Variants in PWWP2A observed in about 807,000 individuals in gnomAD.
The protein encoded by PWWP2A is PWWP domain-containing protein 2A.
Under a neutral mutation model 48.5 loss-of-function variants are expected in PWWP2A, and 18 were observed. The observed-to-expected ratio is 0.37, with a 90% CI of 0.26 to 0.55. The LOEUF (loss-of-function observed/expected upper bound fraction) is 0.55, where lower values mean the gene tolerates loss of function less well. Among genes scored for constraint, PWWP2A ranks in the 20% least tolerant of loss-of-function variants. The pLI, the probability that PWWP2A is intolerant of heterozygous loss-of-function variation, is 0.81. For synonymous variants in PWWP2A, 396 were observed against 387.7 expected (o/e 1.02, Z -0.25); for missense variants, 867 against 976.4 (o/e 0.89, Z 1.49).
At chr5:160,109,569 G>C (rs1189551060) in intron 1 of PWWP2A, among the ~76,000 whole-genome samples, 2 of 151,084 alleles carry the variant, frequency 1.3e-5, no homozygotes, top group Non-Finnish European at 2.9e-5. Flanking sequence ...CTAAACTTAG[G>C]ACTGTGTTTA....
At chr5:160,089,982 T>C (rs1561663850), downstream of PWWP2A, 2 of 984,860 alleles carry the variant, frequency 2.0e-6, no homozygotes, top group East Asian at 1.1e-4. Context: ...TATTAGAGTT[T>C]AGAATACACA....
downstream of PWWP2A, among the ~76,000 whole-genome samples, chr5:160,088,987 A>G (rs948022077): frequency 2.6e-5 from 4 of 152,196 alleles, no homozygotes; most frequent in African/African-American, 9.6e-5. Flanking sequence ...TAGTGAAGAT[A>G]TATTCATTTT....
At position 160,093,077 on chromosome 5, in the gene PWWP2A, T is replaced by C. The variant is rs569407963; in HGVS notation, c.1573A>G (p.Ser525Gly). The part of the protein sequence containing the change: ...SAGEAPSENQ[S>G]PSKGPEEASS... ...GCCTCTTCAGGGCCTTTTGAGGGAC[T>C]CTGATTTTCTGAAGGGGCCTCACCT... Residue 525 changes from serine to glycine, a missense_variant, in exon 2 of 2, where the codon AGT (serine) becomes GGT (glycine). Ser to Gly is a moderately conservative substitution (Grantham distance 56, BLOSUM62 0). Transcript: ENST00000307063. This position sits in a 1 kb window ranked among gnomAD's most constrained non-coding sequence, Gnocchi z 5.8. 9.0e-5 allele frequency: 145 copies of C among 1,613,588 alleles called. No homozygotes were observed. In the Middle Eastern group the frequency reaches 1.5e-3, roughly 17 times the overall value.
chr5:160,113,873 T>C (rs958331260), intron 1 of PWWP2A, among the ~76,000 whole-genome samples: 3 of 152,240 alleles, frequency 2.0e-5, no homozygotes, highest in South Asian at 4.1e-4. Context: ...CTTTCTAATA[T>C]GCAAGTAGAA....
downstream of PWWP2A, among the ~76,000 whole-genome samples, chr5:160,061,074 C>T (rs1230423895): frequency 2.0e-5 from 3 of 152,204 alleles, no homozygotes; most frequent in Admixed American, 6.5e-5. Flanking sequence ...GCACGGGAAC[C>T]GTAGGCTGAC....
intron 5 of PWWP2A, among the ~76,000 whole-genome samples, chr5:160,062,484 C>T (rs192326532): frequency 1.3e-5 from 2 of 152,330 alleles, no homozygotes; most frequent in African/African-American, 4.8e-5. Flanking sequence ...GGGTCTGCCT[C>T]CCCACTAGAC....
At position 160,092,906 on chromosome 5, in the gene PWWP2A, C is replaced by A. The variant is rs1435614509; in HGVS notation, c.1744G>T (p.Val582Leu). 2 of 1,551,646 alleles carry A rather than the reference C, an allele frequency of 1.3e-6. No individual in the cohort carries two copies. Among genetic ancestry groups the A allele is most frequent in the South Asian group, 2.4e-5 (2 of 84,058 alleles). ...QKKSDSSSAS[V>L]CSIDSTDDLK... is the part of the protein sequence containing the mutation. ...TCATCTGTGCTATCAATGCTACACA[C>A]TGAAGCACTGGAAGAGTCAGATTTC... The change falls in exon 2 of 2, where the codon GTG becomes TTG. Residue 582 changes from valine (V) to leucine (L), a missense_variant. By Grantham distance (32) the Val-to-Leu change is conservative (BLOSUM62 1). Around this residue, in one of 4 missense-constraint regions of PWWP2A, gnomAD observed 382 missense variants for 407.2 expected, o/e 0.94. Transcript: ENST00000307063.
intron 1 of PWWP2A, chr5:160,113,335 A>T: frequency 1.0e-6 from 1 of 983,112 alleles, no homozygotes; most frequent in African/African-American, 1.7e-5. Context: ...ATAATGCAAA[A>T]AATAATAATA....
chr5:160,087,298 G>A (rs996876915), downstream of PWWP2A, among the ~76,000 whole-genome samples: 1 of 151,316 alleles, frequency 6.6e-6, no homozygotes, highest in African/African-American at 2.4e-5. Flanking sequence ...CTTGAGGTGG[G>A]AGAACTGCTT....
chr5:160,118,667 G>C, intron 1 of PWWP2A, 138 bp downstream of exon 1: 1 of 876,064 alleles, frequency 1.1e-6, no homozygotes, highest in Non-Finnish European at 1.6e-6. Flanking sequence ...CTCGGAGCGC[G>C]CGCCACGCGC....
rs748083955 is a variant in PWWP2A, at chr5:160,066,295, C to CTTTTTTTTTT, written c.*236+252_*236+253insAAAAAAAAAA. Among the ~76,000 whole-genome samples the CTTTTTTTTTT allele has an allele frequency of 1.1e-3, 66 of 57,956 alleles. 1 individual carries two copies. The highest frequency in any genetic ancestry group is 2.5e-3 in the African/African-American group (44 of 17,880). The allele number at this position is 57,956 out of a possible 152,430, so 38.0% of individuals were successfully genotyped here. On this transcript the variant is annotated intron_variant and NMD_transcript_variant, in intron 4 of 5. Coordinates refer to the PWWP2A transcript ENST00000524050. ...CAGCATTATGCTAGAAAGTGGTTCT[C>CTTTTTTTTTT]ATTTTTTTTTTTTTTTTTTTGAGGG...
At chr5:160,046,147 TG>T in the PWWP2A span, among the ~76,000 whole-genome samples, 1 of 152,246 alleles carries the variant, frequency 6.6e-6, no homozygotes, top group Non-Finnish European at 1.5e-5. Context: ...TATACTTGGC[TG>T]TCTCTACTTT....
At chr5:160,062,501 T>C (rs750373606) in intron 5 of PWWP2A, among the ~76,000 whole-genome samples, 4 of 152,222 alleles carry the variant, frequency 2.6e-5, no homozygotes, top group Admixed American at 6.5e-5. Context: ...AGACTGAGCA[T>C]TGTGCATAGA....
downstream of PWWP2A, among the ~76,000 whole-genome samples, chr5:160,058,616 G>A (rs4388243): frequency 0.6 from 91,474 of 151,658 alleles, 27,562 homozygotes; most frequent in East Asian, 0.62. Flanking sequence ...TTTCACCGTG[G>A]TAGCCAGGAT....
At chr5:160,059,129 C>T (rs1757629082), downstream of PWWP2A, among the ~76,000 whole-genome samples, 1 of 152,174 alleles carries the variant, frequency 6.6e-6, no homozygotes. Flanking sequence ...TGAAGCCAGG[C>T]ATTGAATTAT....
rs1755048409 is a variant in PWWP2A at position 160,091,380 on chromosome 5, T to G, written c.*1002A>C. 9 of 961,838 alleles carry G rather than the reference T, an allele frequency of 9.4e-6. 1 individual carries two copies. In the South Asian group the frequency reaches 1.4e-4, roughly 15 times the overall value. 59.6% of individuals were successfully genotyped at this position (961,838 alleles called of 1,614,324 possible). ...TTTATTTACAGCTTTTTTTTGGTTT[T>G]TTTTTTTTTTTTTACATTTCAGAGC... On this transcript the variant is annotated 3_prime_UTR_variant, in exon 2 of 2. Coordinates refer to ENST00000307063, the MANE Select transcript of PWWP2A (RefSeq NM_001130864.2).
At chr5:160,112,182 A>G (rs1156357069) in intron 1 of PWWP2A, among the ~76,000 whole-genome samples, 1 of 151,974 alleles carries the variant, frequency 6.6e-6, no homozygotes, top group East Asian at 1.9e-4. Context: ...GAAAGAAAAA[A>G]AGAGCACAAA....
At chr5:160,074,716 A>G (rs1753825680), downstream of PWWP2A, among the ~76,000 whole-genome samples, 3 of 152,060 alleles carry the variant, frequency 2.0e-5, no homozygotes, top group Admixed American at 2.0e-4. Context: ...ATTGCACTCC[A>G]GCCTGGGCAA....
intron 1 of PWWP2A, chr5:160,116,792 T>G (rs1758185454): frequency 2.0e-6 from 2 of 985,322 alleles, no homozygotes; most frequent in Non-Finnish European, 2.4e-6. Flanking sequence ...TGTCTCTTAC[T>G]ATTATATACA....
Sources: gnomAD v4.1 joint callset for allele counts (sites outside exome capture counted in the v4.1 genomes callset) on GRCh38, gnomAD v4.1.1 for gene constraint, gnomAD v4.1.1 regional missense constraint, Gnocchi (gnomAD v3.1) non-coding constraint, MANE v1.5 for transcripts, NCBI Gene and HGNC (gene_info 2026-07-23, HGNC 2026-07-21) for gene names.